Variants in FGD6 observed in about 807,000 individuals in gnomAD.
The protein encoded by FGD6 is FYVE, RhoGEF and PH domain-containing protein 6.
A neutral mutation model predicts 149.4 loss-of-function variants in FGD6; 90 were observed. The observed-to-expected ratio is 0.60, with a 90% CI of 0.51 to 0.72. FGD6 has a LOEUF of 0.72. Among genes scored for constraint, FGD6 ranks in the 30% least tolerant of loss-of-function variants. The probability of loss-of-function intolerance (pLI) is 0.00; values close to 1 mark genes in which losing one functional copy is unlikely to be tolerated. For synonymous variants in FGD6, 527 were observed against 584.0 expected (o/e 0.90, Z 1.41); for missense variants, 1,437 against 1,684.8 (o/e 0.85, Z 2.57).
In FGD6 at chr12:95,141,452, A is replaced by C; in HGVS notation, c.2773T>G (p.Leu925Val). 6.2e-7 allele frequency: 1 copy of C among 1,614,186 alleles called. No individual in the cohort carries two copies. Among genetic ancestry groups the C allele is most frequent in the South Asian group, 1.1e-5 (1 of 91,082 alleles). ...CGGTTGAGCTCATACAGCTGAGGCA[A>C]GTAGTATAGGATCTGATTTAGAATC... ...DRILNQILYY[L>V]PQLYELNRDL... is the part of the protein sequence containing the mutation. The change falls in exon 6 of 21, where the codon TTG becomes GTG. Residue 925 changes from leucine to valine, a missense_variant. By Grantham distance (32) the Leu-to-Val change is conservative (BLOSUM62 1). Coordinates refer to ENST00000343958, the MANE Select transcript of FGD6 (RefSeq NM_018351.4).
rs150087452 is a variant in FGD6, at chr12:95,121,699, A to G, written c.3083-7998T>C. Reference sequence around the variant, plus strand: ...TGAGATGGAGTCTCTCCTGTTGCCCAGGCTGGAATGCAGTGGCATGATCTT... The same window carrying G: ...TGAGATGGAGTCTCTCCTGTTGCCCGGGCTGGAATGCAGTGGCATGATCTT... On this transcript the variant is annotated intron_variant, in intron 8 of 20. Transcript: ENST00000343958. Among the ~76,000 whole-genome samples the G allele has an allele frequency of 2.0e-3, 303 of 151,186 alleles. 2 individuals carry two copies. Among genetic ancestry groups the G allele is most frequent in the Non-Finnish European group, 2.9e-3 (196 of 67,796 alleles).
chr12:95,107,707 C>G (rs1033996623), intron 11 of FGD6, 76 bp from the exon 12 acceptor site: 66 of 1,509,964 alleles, frequency 4.4e-5, no homozygotes, highest in Admixed American at 8.6e-5. Context: ...TTTCAACTTT[C>G]TTCCCTGAGA....
At chr12:95,083,042 C>CAT (rs1565890883) in intron 20 of FGD6, among the ~76,000 whole-genome samples, 3 of 98,574 alleles carry the variant, frequency 3.0e-5, no homozygotes, top group Non-Finnish European at 5.8e-5. Flanking sequence ...CACACACATA[C>CAT]ACACACACAC....
chr12:95,203,978 T>C (rs1044984719), intron 2 of FGD6, among the ~76,000 whole-genome samples: 1 of 152,178 alleles, frequency 6.6e-6, no homozygotes, highest in Non-Finnish European at 1.5e-5. Flanking sequence ...ACTTCTTAAA[T>C]AAAAATAGTA....
In FGD6 at chr12:95,141,636, T is replaced by C. The variant is rs1879849644; in HGVS notation, c.2686-97A>G. 10 of 1,323,218 alleles carry C rather than the reference T, an allele frequency of 7.6e-6. No homozygotes were observed. In the South Asian group the frequency reaches 8.6e-5, roughly 11 times the overall value. The allele number at this position is 1,323,218 out of a possible 1,614,324, so 82.0% of individuals were successfully genotyped here. A position where few individuals can be genotyped will look rare whatever the true frequency, so the allele number is the denominator to read the frequency against. ...CCCTCCTCCCTAAAATGATACAGAT[T>C]GCACAGCTGTATTTCTCATGCAGAA... On this transcript the variant is annotated intron_variant, in intron 5 of 20. Coordinates refer to ENST00000343958, the MANE Select transcript of FGD6 (RefSeq NM_018351.4).
chr12:95,169,006 C>T (rs1880910151), intron 3 of FGD6, among the ~76,000 whole-genome samples: 1 of 152,134 alleles, frequency 6.6e-6, no homozygotes, highest in South Asian at 2.1e-4. Context: ...AGAGACTATT[C>T]TATTAGTGCT....
chr12:95,117,090 T>A (rs528550556), intron 8 of FGD6: 1 of 267,112 alleles, frequency 3.7e-6, no homozygotes, highest in South Asian at 4.0e-5. Context: ...GCTTTCCTAA[T>A]AACAACGAGG....
chr12:95,137,447 A>G (rs779560060), intron 7 of FGD6, 75 bp downstream of exon 7: 43 of 1,285,242 alleles, frequency 3.3e-5, no homozygotes, highest in Non-Finnish European at 4.2e-5. Context: ...TTTGTTTTCA[A>G]TGACTGCAAC....
Position 95,177,908 on chromosome 12 carries a change from A to AATTTATTTATTTATTTATTTATTT in FGD6, c.2442-5188_2442-5165dup, listed in dbSNP as rs71078616. Among the ~76,000 whole-genome samples the AATTTATTTATTTATTTATTTATTT allele has an allele frequency of 2.9e-3, 408 of 142,376 alleles. 7 individuals carry two copies. The highest frequency in any genetic ancestry group is 0.013 in the East Asian group (61 of 4,782). The allele number at this position is 142,376 out of a possible 152,430, so 93.4% of individuals were successfully genotyped here. Reference sequence around the variant, plus strand: ...ATGAATCAAATCAATTTTAAACAACAATTTATTTATTTATTTATTTATTTA... The same window carrying AATTTATTTATTTATTTATTTATTT: ...ATGAATCAAATCAATTTTAAACAACAATTTATTTATTTATTTATTTATTTATTTATTTATTTATTTATTTATTTA... On this transcript the variant is annotated intron_variant, in intron 2 of 20. Transcript: ENST00000343958.
At chr12:95,121,468 T>G (rs1879185001) in intron 8 of FGD6, among the ~76,000 whole-genome samples, 1 of 60,748 alleles carries the variant, frequency 1.6e-5, no homozygotes, top group Admixed American at 1.8e-4. Context: ...AAAAAAGATA[T>G]ATATATATAT....
chr12:95,195,304 G>T (rs991435364), intron 2 of FGD6, among the ~76,000 whole-genome samples: 2 of 152,080 alleles, frequency 1.3e-5, no homozygotes, highest in South Asian at 2.1e-4. Context: ...CTGTCATCAG[G>T]TAGGAATCTC....
chr12:95,081,303 C>G lies in FGD6; in HGVS notation c.*217G>C, dbSNP rs925251128. 2.3e-5 allele frequency: 9 copies of G among 387,540 alleles called. No individual in the cohort carries two copies. Among genetic ancestry groups the G allele is most frequent in the Admixed American group, 4.1e-5 (1 of 24,130 alleles). 24.0% of individuals were successfully genotyped at this position (387,540 alleles called of 1,614,324 possible). A position where few individuals can be genotyped will look rare whatever the true frequency, so the allele number is the denominator to read the frequency against. On this transcript the variant is annotated 3_prime_UTR_variant, in exon 21 of 21. Coordinates refer to ENST00000343958, the MANE Select transcript of FGD6 (RefSeq NM_018351.4). Reference sequence around the variant, plus strand: ...CAGTGTGTCTCAGAAATAATTCTGACCATTAAGTAAACATCAAAATTTTAA... The same window carrying G: ...CAGTGTGTCTCAGAAATAATTCTGAGCATTAAGTAAACATCAAAATTTTAA...
At position 95,217,309 on chromosome 12, in the gene FGD6, CCA is replaced by C; in HGVS notation, c.-71_-70del. On this transcript the variant is annotated 5_prime_UTR_variant, in exon 1 of 21. The change abolishes the stop of an existing upstream ORF in the 5' untranslated region. Coordinates refer to ENST00000343958, the MANE Select transcript of FGD6 (RefSeq NM_018351.4). ...ATCTTCCCCTTTCAGTCCATTGTTCCCACAGTTCGGGTAGGAGAGAAAAGCCC... is the reference window on the plus strand; with the variant it reads ...ATCTTCCCCTTTCAGTCCATTGTTCCCAGTTCGGGTAGGAGAGAAAAGCCC... 6.4e-7 allele frequency: 1 copy of C among 1,552,868 alleles called. No individual in the cohort carries two copies. The highest frequency in any genetic ancestry group is 2.4e-5 in the East Asian group (1 of 40,998).
chr12:95,109,228 T>G lies in FGD6; in HGVS notation c.3134-667A>C, dbSNP rs191398752. 9.4e-4 allele frequency among the ~76,000 whole-genome samples: 143 copies of G among 152,342 alleles called. 1 individual carries two copies. Among genetic ancestry groups the G allele is most frequent in the African/African-American group, 3.4e-3 (143 of 41,556 alleles). On this transcript the variant is annotated intron_variant, in intron 9 of 20. Transcript: ENST00000343958. The stretch of plus-strand genomic sequence containing the variant: ...GTTTTTCCATACTCCAGCCTTGTCA[T>G]CTTTATAACTAGGTCTAAAGGAAAA...
chr12:95,125,885 C>G lies in FGD6; in HGVS notation c.3082+8854G>C, dbSNP rs1388461908. 3.0e-6 allele frequency: 4 copies of G among 1,339,306 alleles called. No homozygotes were observed. In the East Asian group the frequency reaches 9.2e-5, roughly 31 times the overall value. The allele number at this position is 1,339,306 out of a possible 1,614,324, so 83.0% of individuals were successfully genotyped here. A position where few individuals can be genotyped will look rare whatever the true frequency, so the allele number is the denominator to read the frequency against. ...ACAGGGCTTTGGTTGGTGGACCTTG[C>G]GCTCAAGTGAGGAGACAGGCCATGC... is the stretch of plus-strand genomic sequence containing the variant. On this transcript the variant is annotated intron_variant, in intron 8 of 20. Coordinates refer to ENST00000343958, the MANE Select transcript of FGD6 (RefSeq NM_018351.4).
chr12:95,172,266 C>T (rs1259338102), intron 3 of FGD6, among the ~76,000 whole-genome samples: 3 of 152,100 alleles, frequency 2.0e-5, no homozygotes, highest in African/African-American at 7.2e-5. Flanking sequence ...ATGCCAGGCA[C>T]TTGGGATGCT....
At chr12:95,170,350 C>T (rs1259626883) in intron 3 of FGD6, among the ~76,000 whole-genome samples, 1 of 152,050 alleles carries the variant, frequency 6.6e-6, no homozygotes, top group African/African-American at 2.4e-5. Context: ...CCTGTTAGAA[C>T]ATAGGCTAGG....
intron 8 of FGD6, among the ~76,000 whole-genome samples, chr12:95,132,774 C>CAAAT (rs745794944): frequency 2.0e-5 from 3 of 151,696 alleles, no homozygotes; most frequent in Non-Finnish European, 4.4e-5. Flanking sequence ...AATAAATAAA[C>CAAAT]AAATAAATAA....
chr12:95,130,416 C>G (rs1046139199), intron 8 of FGD6, among the ~76,000 whole-genome samples: 1 of 152,134 alleles, frequency 6.6e-6, no homozygotes, highest in Admixed American at 6.5e-5. Context: ...AAGTACCACT[C>G]CTGCCTGCTC....
Sources: gnomAD v4.1 joint callset for allele counts (sites outside exome capture counted in the v4.1 genomes callset) on GRCh38, gnomAD v4.1.1 for gene constraint, MANE v1.5 for transcripts, NCBI Gene and HGNC (gene_info 2026-07-23, HGNC 2026-07-21) for gene names.